The following ARHGAP24 variants were observed in gnomAD, a reference collection of about 807,000 sequenced individuals.
ARHGAP24 encodes the protein Rho GTPase activating protein 24.
Under a neutral mutation model 76.4 loss-of-function variants are expected in ARHGAP24, and 50 were observed. The ratio of observed to expected loss-of-function variants is 0.65; its 90% CI spans 0.52 to 0.83. The LOEUF is 0.83. Ranked by LOEUF, ARHGAP24 falls within the 40% of genes least tolerant of loss-of-function variation. The pLI is 0.00. For synonymous variants in ARHGAP24, 345 were observed against 323.3 expected (o/e 1.07, Z -0.72); for missense variants, 930 against 914.2 (o/e 1.02, Z -0.22).
chr4:85,821,668 A>G (rs1389176578), intron 3 of ARHGAP24, among the ~76,000 whole-genome samples: 2 of 152,216 alleles, frequency 1.3e-5, no homozygotes, highest in Non-Finnish European at 2.9e-5. Flanking sequence ...TACAGGTATG[A>G]GTCACCATGC....
chr4:85,616,300 G>C (rs2109999810), intron 2 of ARHGAP24, among the ~76,000 whole-genome samples: 1 of 152,306 alleles, frequency 6.6e-6, no homozygotes, highest in South Asian at 2.1e-4. Context: ...ATGACTGACA[G>C]GCTGTTAAGT....
chr4:85,692,552 G>A (rs1358282607), intron 2 of ARHGAP24, among the ~76,000 whole-genome samples: 2 of 151,954 alleles, frequency 1.3e-5, no homozygotes, highest in African/African-American at 4.8e-5. Flanking sequence ...TTTTGTCTGA[G>A]TTGATTCAAA....
Position 85,763,444 on chromosome 4 carries a change from G to T in ARHGAP24, c.268+41472G>T, listed in dbSNP as rs974124958. 7.6e-5 allele frequency among the ~76,000 whole-genome samples: 11 copies of T among 145,446 alleles called. No homozygotes were observed. In the Admixed American group the frequency reaches 7.8e-4, roughly 10 times the overall value. On this transcript the variant is annotated intron_variant, in intron 3 of 9. Transcript: ENST00000395184. ...CCCTGGTGCCACTGGAATAACTGAG[G>T]TCCCATAGGGAGGGAACACCTACCA...
intron 9 of ARHGAP24, among the ~76,000 whole-genome samples, chr4:85,996,827 T>A (rs1740689698): frequency 6.6e-6 from 1 of 152,192 alleles, no homozygotes; most frequent in African/African-American, 2.4e-5. Context: ...TTACTGCCAA[T>A]CCATGATGAT....
chr4:85,697,450 A>G (rs1328573932), intron 2 of ARHGAP24, among the ~76,000 whole-genome samples: 1 of 152,240 alleles, frequency 6.6e-6, no homozygotes, highest in African/African-American at 2.4e-5. Flanking sequence ...GACATATGTA[A>G]CAAACCTGCA....
At chr4:85,891,096 G>A (rs2148779258) in intron 3 of ARHGAP24, among the ~76,000 whole-genome samples, 1 of 152,290 alleles carries the variant, frequency 6.6e-6, no homozygotes, top group East Asian at 1.9e-4. Context: ...TGGTGGGGAT[G>A]TAAACTGGAC....
At chr4:85,982,636 A>G (rs1419060489) in intron 8 of ARHGAP24, among the ~76,000 whole-genome samples, 2 of 152,132 alleles carry the variant, frequency 1.3e-5, no homozygotes, top group African/African-American at 2.4e-5. Flanking sequence ...TTTAAAGAAA[A>G]AGTGTTCTTG....
chr4:85,626,380 A>T (rs1720953977), intron 2 of ARHGAP24, among the ~76,000 whole-genome samples: 1 of 152,128 alleles, frequency 6.6e-6, no homozygotes, highest in African/African-American at 2.4e-5. Flanking sequence ...CTTTTCTTTA[A>T]GAATGTTGAT....
Position 86,001,582 on chromosome 4 carries a change from A to G in ARHGAP24, c.*860A>G. 5.0e-6 allele frequency: 2 copies of G among 396,268 alleles called. No individual in the cohort carries two copies. The highest frequency in any genetic ancestry group is 8.9e-6 in the Non-Finnish European group (2 of 225,122). The allele number at this position is 396,268 out of a possible 1,614,324, so 24.5% of individuals were successfully genotyped here. A position where few individuals can be genotyped will look rare whatever the true frequency, so the allele number is the denominator to read the frequency against. Reference sequence around the variant, plus strand: ...TTTAACTGCTGGATAGTTTTAGAGGAATTCTCCTGCTACTTAGGTACTGGG... The same window carrying G: ...TTTAACTGCTGGATAGTTTTAGAGGGATTCTCCTGCTACTTAGGTACTGGG... On this transcript the variant is annotated 3_prime_UTR_variant, in exon 10 of 10. Coordinates refer to ENST00000395184, the MANE Select transcript of ARHGAP24 (RefSeq NM_001025616.3).
intron 1 of ARHGAP24, among the ~76,000 whole-genome samples, chr4:85,556,440 A>T (rs1177723636): frequency 6.6e-6 from 1 of 152,146 alleles, no homozygotes; most frequent in African/African-American, 2.4e-5. Flanking sequence ...GCTCCTCTCC[A>T]TATGATAGCT....
At chr4:85,780,210 G>A in intron 3 of ARHGAP24, among the ~76,000 whole-genome samples, 1 of 150,808 alleles carries the variant, frequency 6.6e-6, no homozygotes, top group Non-Finnish European at 1.5e-5. Flanking sequence ...GTCTTGCTCT[G>A]TCGCCCAGGC....
chr4:85,750,807 C>T (rs1408513237), intron 3 of ARHGAP24, among the ~76,000 whole-genome samples: 1 of 152,032 alleles, frequency 6.6e-6, no homozygotes, highest in Non-Finnish European at 1.5e-5. Flanking sequence ...ACCATTCATT[C>T]CTTTCTATCT....
intron 2 of ARHGAP24, among the ~76,000 whole-genome samples, chr4:85,652,235 C>A (rs60273782): frequency 6.6e-6 from 1 of 152,068 alleles, no homozygotes; most frequent in Non-Finnish European, 1.5e-5. Flanking sequence ...TGTGATACCA[C>A]TAGTGAAATG....
At chr4:85,919,718 G>A (rs1275238330) in intron 3 of ARHGAP24, among the ~76,000 whole-genome samples, 1 of 152,110 alleles carries the variant, frequency 6.6e-6, no homozygotes, top group Non-Finnish European at 1.5e-5. Flanking sequence ...CTGCTTTCAG[G>A]CAGATACACA....
chr4:85,848,119 C>T (rs773960273), intron 3 of ARHGAP24, among the ~76,000 whole-genome samples: 3 of 152,022 alleles, frequency 2.0e-5, no homozygotes, highest in Admixed American at 6.6e-5. Flanking sequence ...AAATAAAATG[C>T]CTCCCATTTG....
intron 3 of ARHGAP24, among the ~76,000 whole-genome samples, chr4:85,922,892 G>A (rs1177425481): frequency 1.3e-5 from 2 of 152,172 alleles, no homozygotes; most frequent in East Asian, 3.8e-4. Flanking sequence ...GATTATAAAG[G>A]TTTTAAAGTT....
At chr4:85,717,899 A>G (rs1206111755) in intron 2 of ARHGAP24, among the ~76,000 whole-genome samples, 1 of 152,160 alleles carries the variant, frequency 6.6e-6, no homozygotes, top group African/African-American at 2.4e-5. Context: ...CACCTGAGAT[A>G]TTTAAAGAAA....
At chr4:85,618,270 C>T (rs1720603012) in intron 2 of ARHGAP24, among the ~76,000 whole-genome samples, 1 of 152,124 alleles carries the variant, frequency 6.6e-6, no homozygotes, top group Admixed American at 6.6e-5. Flanking sequence ...TAGAGTATCT[C>T]ACTTAGGGTC....
At chr4:85,563,721 G>A (rs1320944392) in intron 1 of ARHGAP24, among the ~76,000 whole-genome samples, 1 of 152,210 alleles carries the variant, frequency 6.6e-6, no homozygotes, top group Non-Finnish European at 1.5e-5. Context: ...GGCATTCATT[G>A]CATCCAGGGA....
Sources: allele counts gnomAD v4.1 joint callset (sites outside exome capture counted in the v4.1 genomes callset), GRCh38; gene constraint gnomAD v4.1.1; transcripts MANE v1.5; gene names NCBI Gene and HGNC (gene_info 2026-07-23, HGNC 2026-07-21).